Variants in RBCK1 observed in about 807,000 individuals in gnomAD.
The protein encoded by RBCK1 is RANBP2-type and C3HC4-type zinc finger containing 1, also known as ranBP-type and C3HC4-type zinc finger-containing protein 1.
In RBCK1, 44 loss-of-function variants were observed where a neutral mutation model predicts 71.1. The ratio of observed to expected loss-of-function variants is 0.62; its 90% CI spans 0.49 to 0.80. The LOEUF (loss-of-function observed/expected upper bound fraction) is 0.80. RBCK1 is among the 30% of genes least tolerant of loss of function. RBCK1 has a pLI of 0.00. For synonymous variants in RBCK1, 306 were observed against 279.7 expected (o/e 1.09, Z -0.94); for missense variants, 569 against 685.0 (o/e 0.83, Z 1.89).
At position 422,375 on chromosome 20, in the gene RBCK1, T is replaced by A; in HGVS notation, c.1029+137T>A. On this transcript the variant is annotated intron_variant, in intron 8 of 11. Transcript: ENST00000356286. The surrounding 1 kb of genome is among the most constrained non-coding windows in gnomAD (Gnocchi z 5.0). The stretch of plus-strand genomic sequence containing the variant: ...TCTCACTATGTTGTCCAAGCTGGTC[T>A]CAAACTCCTGGGCTTAAGCGATCAT... 1.4e-6 allele frequency: 1 copy of A among 704,652 alleles called. No individual in the cohort carries two copies. The highest frequency in any genetic ancestry group is 2.4e-6 in the Non-Finnish European group (1 of 412,002). The allele number at this position is 704,652 out of a possible 1,614,324, so 43.6% of individuals were successfully genotyped here. A position where few individuals can be genotyped will look rare whatever the true frequency, so the allele number is the denominator to read the frequency against.
At chr20:414,841 A>G (rs1221176186) in intron 2 of RBCK1, among the ~76,000 whole-genome samples, 1 of 152,116 alleles carries the variant, frequency 6.6e-6, no homozygotes, top group Admixed American at 6.5e-5. Flanking sequence ...CTTTTCTTCT[A>G]TTCTCCTGTA....
In RBCK1 at chr20:417,291, T is replaced by C. The variant is rs1324098740; in HGVS notation, c.168-235T>C. Reference sequence around the variant, plus strand: ...CCAGATCATGGAGGCCCTCGTGTGCTGCCACGAGTTGATTCTAAGAGTAGC... The same window carrying C: ...CCAGATCATGGAGGCCCTCGTGTGCCGCCACGAGTTGATTCTAAGAGTAGC... On this transcript the variant is annotated intron_variant, in intron 2 of 11. Coordinates refer to ENST00000356286, the MANE Select transcript of RBCK1 (RefSeq NM_031229.4). This position sits in a 1 kb window ranked among gnomAD's most constrained non-coding sequence, Gnocchi z 4.7. 1 of 701,612 alleles carries C rather than the reference T, an allele frequency of 1.4e-6. No homozygotes were observed. The highest frequency in any genetic ancestry group is 1.9e-5 in the Admixed American group (1 of 53,274). The allele number at this position is 701,612 out of a possible 1,614,324, so 43.5% of individuals were successfully genotyped here.
Position 414,825 on chromosome 20 carries a change from T to G in RBCK1, c.168-2701T>G, listed in dbSNP as rs903789898. Among the ~76,000 whole-genome samples, 12 of 152,320 alleles carry G rather than the reference T, an allele frequency of 7.9e-5. No homozygotes were observed. In the East Asian group the frequency reaches 2.1e-3, roughly 27 times the overall value. ...GGGGTTAAGATCCAGTCCTTTTCAT[T>G]TTTTACTTTTCTTCTATTCTCCTGT... On this transcript the variant is annotated intron_variant, in intron 2 of 11. Transcript: ENST00000356286.
chr20:429,615 T>C (rs547815925), intron 11 of RBCK1, among the ~76,000 whole-genome samples: 26 of 152,356 alleles, frequency 1.7e-4, no homozygotes, highest in African/African-American at 6.0e-4. Flanking sequence ...CGTTTCAGTG[T>C]CCGTAGGTAA....
chr20:419,289 C>A (rs2016215500), intron 4 of RBCK1, 58 bp from the exon 5 acceptor site: 1 of 1,606,598 alleles, frequency 6.2e-7, no homozygotes, highest in South Asian at 1.1e-5. Flanking sequence ...GACCCACCCC[C>A]ATGGGTGTGG....
At chr20:416,350 C>T (rs1455185269) in intron 2 of RBCK1, among the ~76,000 whole-genome samples, 7 of 151,686 alleles carry the variant, frequency 4.6e-5, no homozygotes, top group African/African-American at 1.2e-4. Context: ...TTAGTAGAGA[C>T]GGGTTTTCAC....
At chr20:420,138 C>G in intron 6 of RBCK1, 1 of 985,076 alleles carries the variant, frequency 1.0e-6, no homozygotes. Flanking sequence ...CCTGCTCCAC[C>G]TCGCCGTGAC....
intron 7 of RBCK1, chr20:421,884 C>G: frequency 1.9e-6 from 1 of 517,818 alleles, no homozygotes; most frequent in South Asian, 2.6e-5. Context: ...GAGGAGGCTC[C>G]TGGAGTCACC....
intron 7 of RBCK1, 28 bp downstream of exon 7, chr20:421,059 A>G (rs1369162526): frequency 2.0e-6 from 3 of 1,512,466 alleles, no homozygotes; most frequent in Admixed American, 2.0e-5. Context: ...ACCCCCGGCA[A>G]TGCAGCTTAA....
intron 2 of RBCK1, among the ~76,000 whole-genome samples, chr20:415,212 CA>C (rs1467045183): frequency 6.6e-6 from 1 of 152,016 alleles, no homozygotes; most frequent in African/African-American, 2.4e-5. Flanking sequence ...CTTGTCTCTA[CA>C]AAACATTAGC....
At chr20:418,562 G>A (rs534376818) in intron 4 of RBCK1, among the ~76,000 whole-genome samples, 43 of 152,194 alleles carry the variant, frequency 2.8e-4, no homozygotes, top group East Asian at 1.2e-3. Context: ...TAGAGACGGG[G>A]TTTCACCGTG....
Position 417,096 on chromosome 20 carries a change from A to G in RBCK1, c.168-430A>G. 1 of 421,040 alleles carries G rather than the reference A, an allele frequency of 2.4e-6. No homozygotes were observed. Among genetic ancestry groups the G allele is most frequent in the Non-Finnish European group, 5.0e-6 (1 of 201,334 alleles). The allele number at this position is 421,040 out of a possible 1,614,324, so 26.1% of individuals were successfully genotyped here. On this transcript the variant is annotated intron_variant, in intron 2 of 11. Coordinates refer to ENST00000356286, the MANE Select transcript of RBCK1 (RefSeq NM_031229.4). The surrounding 1 kb of genome is among the most constrained non-coding windows in gnomAD (Gnocchi z 4.7). ...TCTGTGCCTCACATTTTTATCTGTA[A>G]AACAGGGATACAGCAGTACCTGTCT...
In RBCK1 at chr20:412,750, T is replaced by G. The variant is rs912324794; in HGVS notation, c.167+2725T>G. ...CATTCTGTGGATTGTCTTCTCACTTTGTTGATGGTATCCTTTGAACCACAA... is the reference window on the plus strand; with the variant it reads ...CATTCTGTGGATTGTCTTCTCACTTGGTTGATGGTATCCTTTGAACCACAA... On this transcript the variant is annotated intron_variant, in intron 2 of 11. Transcript: ENST00000356286. 3.9e-5 allele frequency among the ~76,000 whole-genome samples: 6 copies of G among 152,268 alleles called. No homozygotes were observed. The South Asian group carries it at 1.2e-3, about 31-fold the overall frequency.
chr20:425,249 G>A (rs1473624352), intron 8 of RBCK1, among the ~76,000 whole-genome samples: 1 of 152,176 alleles, frequency 6.6e-6, no homozygotes, highest in Non-Finnish European at 1.5e-5. Context: ...GACCTCAGGT[G>A]ATCCACCCAC....
rs1568566248 is a variant in RBCK1 at position 427,436 on chromosome 20, G to GA, written c.1154dup (p.Asp385GlufsTer4). 5 of 1,614,164 alleles carry GA rather than the reference G, an allele frequency of 3.1e-6. No individual in the cohort carries two copies. Among genetic ancestry groups the GA allele is most frequent in the Non-Finnish European group, 4.2e-6 (5 of 1,180,038 alleles). On this transcript the variant is annotated frameshift_variant, in exon 9 of 12. Coordinates refer to ENST00000356286, the MANE Select transcript of RBCK1 (RefSeq NM_031229.4). LOFTEE classifies it high-confidence loss of function. Reference sequence around the variant, plus strand: ...CAAGGGATGGTGCTTCTTTGAGGATGATGTCAATGAGTTCACCTGCCCTGT... The same window carrying GA: ...CAAGGGATGGTGCTTCTTTGAGGATGAATGTCAATGAGTTCACCTGCCCTGT...
intron 2 of RBCK1, chr20:410,480 A>G (rs963460681): frequency 1.3e-6 from 1 of 779,796 alleles, no homozygotes; most frequent in Non-Finnish European, 2.4e-6. Context: ...AAGGGAAGAA[A>G]GACACCCCTC....
chr20:422,047 A>C lies in RBCK1; in HGVS notation c.918-80A>C. 1 of 1,110,946 alleles carries C rather than the reference A, an allele frequency of 9.0e-7. No individual in the cohort carries two copies. The highest frequency in any genetic ancestry group is 1.3e-6 in the Non-Finnish European group (1 of 749,748). The allele number at this position is 1,110,946 out of a possible 1,614,324, so 68.8% of individuals were successfully genotyped here. ...GTGACTGAGTGAGGCCCCTGGGGTC[A>C]GGCCTTGCCATGTGAGGGATGGAGT... On this transcript the variant is annotated intron_variant, in intron 7 of 11. Transcript: ENST00000356286. This position sits in a 1 kb window ranked among gnomAD's most constrained non-coding sequence, Gnocchi z 5.0.
At chr20:420,848 G>A (rs1377042649) in intron 6 of RBCK1, 23 bp from the exon 7 acceptor site, 8 of 1,416,676 alleles carry the variant, frequency 5.6e-6, no homozygotes, top group African/African-American at 1.7e-5. Context: ...GACCCGCCCC[G>A]TGGCCCCGCC....
In RBCK1 at chr20:419,814, C is replaced by T. The variant is rs926940895; in HGVS notation, c.756+83C>T. The stretch of plus-strand genomic sequence containing the variant: ...AGGAAGGGAGACACCTGCGCACTGC[C>T]GCGCCTCTCCGTTACTGCCTTGCCC... On this transcript the variant is annotated intron_variant, in intron 6 of 11. Coordinates refer to ENST00000356286, the MANE Select transcript of RBCK1 (RefSeq NM_031229.4). 1.4e-5 allele frequency: 20 copies of T among 1,465,886 alleles called. No homozygotes were observed. In the African/African-American group the frequency reaches 1.4e-4, roughly 10 times the overall value. 90.8% of individuals were successfully genotyped at this position (1,465,886 alleles called of 1,614,324 possible).
Sources: gnomAD v4.1 joint callset for allele counts (sites outside exome capture counted in the v4.1 genomes callset) on GRCh38, gnomAD v4.1.1 for gene constraint, Gnocchi (gnomAD v3.1) non-coding constraint, MANE v1.5 for transcripts, NCBI Gene and HGNC (gene_info 2026-07-23, HGNC 2026-07-21) for gene names.